Variants in SP100 observed in about 807,000 individuals in gnomAD.
SP100 encodes the protein SP100 nuclear body protein, also known as nuclear autoantigen Sp-100.
Under a neutral mutation model 130.0 loss-of-function variants are expected in SP100, and 84 were observed. The ratio of observed to expected loss-of-function variants is 0.65; its 90% confidence interval spans 0.54 to 0.77. SP100 has a LOEUF of 0.77. Among genes scored for constraint, SP100 ranks in the 30% least tolerant of loss-of-function variants. The pLI, the probability that SP100 is intolerant of heterozygous loss-of-function variation, is 0.00. For synonymous variants in SP100, 331 were observed against 351.7 expected (o/e 0.94, Z 0.66); for missense variants, 978 against 1,052.2 (o/e 0.93, Z 0.97).
chr2:230,422,453 A>C (rs957849874), intron 2 of SP100, among the ~76,000 whole-genome samples: 1 of 152,084 alleles, frequency 6.6e-6, no homozygotes, highest in African/African-American at 2.4e-5. Flanking sequence ...TTCATTTTCC[A>C]ACTCGCCTTC....
intron 2 of SP100, among the ~76,000 whole-genome samples, chr2:230,433,438 C>CT (rs899319930): frequency 6.6e-6 from 1 of 152,096 alleles, no homozygotes; most frequent in Non-Finnish European, 1.5e-5. Context: ...AGTCTTCCAA[C>CT]TTTTTTCTTC....
intron 5 of SP100, among the ~76,000 whole-genome samples, chr2:230,447,218 AGCCCGTG>A (rs973627809): frequency 5.9e-5 from 9 of 152,324 alleles, no homozygotes; most frequent in Non-Finnish European, 1.2e-4. Flanking sequence ...TAAGAACCAC[AGCCCGTG>A]GCCCGTGGTC....
intron 18 of SP100, among the ~76,000 whole-genome samples, chr2:230,495,572 G>A (rs540506868): frequency 8.5e-5 from 13 of 152,182 alleles, no homozygotes; most frequent in South Asian, 4.1e-4. Flanking sequence ...CACCTGCCTC[G>A]GCCTCCCAAA....
At chr2:230,517,400 C>T (rs1295162680) in intron 24 of SP100, among the ~76,000 whole-genome samples, 2 of 152,106 alleles carry the variant, frequency 1.3e-5, no homozygotes, top group African/African-American at 4.8e-5. Context: ...AATCTTAGCT[C>T]TTTTAAAGCT....
At chr2:230,503,975 T>C (rs1173498676) in intron 20 of SP100, among the ~76,000 whole-genome samples, 1 of 152,188 alleles carries the variant, frequency 6.6e-6, no homozygotes, top group Non-Finnish European at 1.5e-5. Flanking sequence ...GCCAGGATGT[T>C]GTGTCATATT....
intron 2 of SP100, among the ~76,000 whole-genome samples, chr2:230,436,962 A>G (rs60360144): frequency 0.06 from 4,902 of 82,328 alleles, 164 homozygotes; most frequent in Non-Finnish European, 0.082. Flanking sequence ...GTATACACAC[A>G]CATATATATG....
At chr2:230,511,851 A>C (rs1690611478) in intron 24 of SP100, among the ~76,000 whole-genome samples, 1 of 152,126 alleles carries the variant, frequency 6.6e-6, no homozygotes, top group South Asian at 2.1e-4. Flanking sequence ...TTATCAACCA[A>C]AATTAAGGCT....
At chr2:230,529,127 AAG>A (rs1319847848) in intron 24 of SP100, among the ~76,000 whole-genome samples, 3 of 152,192 alleles carry the variant, frequency 2.0e-5, no homozygotes, top group Non-Finnish European at 4.4e-5. Context: ...ACAACAAAAA[AAG>A]AGAATTTTGG....
intron 2 of SP100, among the ~76,000 whole-genome samples, chr2:230,439,216 G>T (rs2063391057): frequency 6.6e-6 from 1 of 151,900 alleles, no homozygotes; most frequent in Non-Finnish European, 1.5e-5. Flanking sequence ...ATTTTTTCTT[G>T]CTGATTTGTT....
intron 18 of SP100, among the ~76,000 whole-genome samples, chr2:230,494,912 C>G (rs2066582253): frequency 6.6e-6 from 1 of 152,200 alleles, no homozygotes; most frequent in East Asian, 1.9e-4. Flanking sequence ...CCGGGCAGTC[C>G]TTGGTTCAGC....
Position 230,545,020 on chromosome 2 carries a change from G to A in SP100, c.*2074G>A, listed in dbSNP as rs924795659. On this transcript the variant is annotated 3_prime_UTR_variant, in exon 29 of 29. Coordinates refer to ENST00000340126, the MANE Select transcript of SP100 (RefSeq NM_001080391.2). ...TAGTTCAACCACTGTGGAAAGCAGTGTGGCAACTCCTCATAGTGCTAAAAG... is the reference window on the plus strand; with the variant it reads ...TAGTTCAACCACTGTGGAAAGCAGTATGGCAACTCCTCATAGTGCTAAAAG... Among the ~76,000 whole-genome samples the A allele has an allele frequency of 8.5e-5, 13 of 152,302 alleles. No homozygotes were observed. The East Asian group carries it at 2.3e-3, about 27-fold the overall frequency.
chr2:230,536,182 G>A (rs1486184155), intron 24 of SP100, among the ~76,000 whole-genome samples: 1 of 152,154 alleles, frequency 6.6e-6, no homozygotes, highest in African/African-American at 2.4e-5. Flanking sequence ...GAGAAAAAGA[G>A]TGTGTTTCAG....
chr2:230,491,455 A>G (rs1575731518), intron 17 of SP100, among the ~76,000 whole-genome samples: 1 of 152,254 alleles, frequency 6.6e-6, no homozygotes, highest in Non-Finnish European at 1.5e-5. Flanking sequence ...GTAGTAGGCC[A>G]CAGCCAGTGT....
intron 24 of SP100, among the ~76,000 whole-genome samples, chr2:230,524,397 AC>A (rs767144893): frequency 3.5e-3 from 535 of 151,552 alleles, no homozygotes; most frequent in Middle Eastern, 0.01. Context: ...AGGAAAAAAA[AC>A]GTATAAACCC....
intron 24 of SP100, among the ~76,000 whole-genome samples, chr2:230,530,573 G>C (rs2150107778): frequency 6.6e-6 from 1 of 152,232 alleles, no homozygotes; most frequent in South Asian, 2.1e-4. Context: ...AGCCAAAATA[G>C]ACAAATGGGT....
chr2:230,534,463 A>G (rs1691840046), intron 24 of SP100, among the ~76,000 whole-genome samples: 1 of 152,232 alleles, frequency 6.6e-6, no homozygotes, highest in African/African-American at 2.4e-5. Context: ...CTGTGATCCT[A>G]TTTTGTAATA....
In SP100 at chr2:230,541,313, C is replaced by T. The variant is rs1179337372; in HGVS notation, c.2344C>T (p.Leu782Phe). 1.2e-6 allele frequency: 2 copies of T among 1,613,916 alleles called. No individual in the cohort carries two copies. Among genetic ancestry groups the T allele is most frequent in the Non-Finnish European group, 8.5e-7 (1 of 1,179,852 alleles). The change falls in exon 27 of 29, where the codon CTC becomes TTC. Residue 782 changes from leucine (L) to phenylalanine (F), a missense_variant. Leu to Phe is a conservative substitution (Grantham distance 22). Transcript: ENST00000340126. ...LPEEQLKCEF[L>F]LLKVYCDSKS... The stretch of plus-strand genomic sequence containing the variant: ...CCATCTTTTGCAGAAATGTGAATTC[C>T]TCCTCTTGAAGGTCTACTGTGATTC...
Position 230,543,021 on chromosome 2 carries a change from C to T in SP100, c.*75C>T, listed in dbSNP as rs1575825816. 1.2e-5 allele frequency: 9 copies of T among 779,970 alleles called. No homozygotes were observed. The East Asian group carries it at 2.1e-4, about 18-fold the overall frequency. The allele number at this position is 779,970 out of a possible 1,614,324, so 48.3% of individuals were successfully genotyped here. A position where few individuals can be genotyped will look rare whatever the true frequency, so the allele number is the denominator to read the frequency against. On this transcript the variant is annotated 3_prime_UTR_variant, in exon 29 of 29. Coordinates refer to ENST00000340126, the MANE Select transcript of SP100 (RefSeq NM_001080391.2). ...TGCCTGTGGTCCCACTAATCTGTGACTGCTCCTGTGGAAACTCCACATCAC... is the reference window on the plus strand; with the variant it reads ...TGCCTGTGGTCCCACTAATCTGTGATTGCTCCTGTGGAAACTCCACATCAC...
intron 24 of SP100, chr2:230,514,884 A>G: frequency 1.6e-6 from 1 of 620,304 alleles, no homozygotes; most frequent in African/African-American, 1.9e-5. Context: ...CCTGTTGGGA[A>G]GGGACATTAC....
Sources: gnomAD v4.1 joint callset for allele counts (sites outside exome capture counted in the v4.1 genomes callset) on GRCh38, gnomAD v4.1.1 for gene constraint, MANE v1.5 for transcripts, NCBI Gene and HGNC (gene_info 2026-07-23, HGNC 2026-07-21) for gene names.